NPIPA7: variants seen among roughly 807,000 people sequenced by gnomAD.
NPIPA7 encodes nuclear pore complex-interacting protein family member A7.
At chr16:16,387,004 C>G in intron 2 of NPIPA7, among the ~76,000 whole-genome samples, 1 of 145,572 alleles carries the variant, frequency 6.9e-6, no homozygotes, top group Non-Finnish European at 1.5e-5. Flanking sequence ...CTGCCTCGGC[C>G]TCCCAAAGTA....
chr16:16,388,353 CT>C (rs1369617160), intron 4 of NPIPA7, among the ~76,000 whole-genome samples: 19 of 21,662 alleles, frequency 8.8e-4, no homozygotes, highest in African/African-American at 3.1e-3. Flanking sequence ...AGCACCCAGC[CT>C]TTTTTTTTTT....
chr16:16,388,087 C>T (rs1169803520), intron 4 of NPIPA7, among the ~76,000 whole-genome samples: 6 of 39,490 alleles, frequency 1.5e-4, no homozygotes, highest in Non-Finnish European at 2.4e-4. Context: ...TGGGGCTTTG[C>T]TCTTGTTGCC....
chr16:16,386,130 T>C lies in NPIPA7; in HGVS notation c.193-1269T>C, dbSNP rs2050119859. ...GAAGATTAAAAGCATACTGTGATAA[T>C]ATGGAAATCTTGGTGGGAATTCAGT... is the stretch of plus-strand genomic sequence containing the variant. On this transcript the variant is annotated intron_variant, in intron 2 of 7. Coordinates refer to ENST00000530217, the Ensembl canonical transcript of NPIPA7. Among the ~76,000 whole-genome samples the C allele has an allele frequency of 3.2e-5, 3 of 93,860 alleles. No individual in the cohort carries two copies. In the Admixed American group the frequency reaches 3.3e-4, roughly 10 times the overall value. The allele number at this position is 93,860 out of a possible 152,430, so 61.6% of individuals were successfully genotyped here.
At chr16:16,387,060 T>TTGTGTGTGTGTG (rs374685325) in intron 2 of NPIPA7, among the ~76,000 whole-genome samples, 1 of 101,450 alleles carries the variant, frequency 9.9e-6, no homozygotes, top group African/African-American at 3.5e-5. Flanking sequence ...ATGTCATTCT[T>TTGTGTGTGTGTG]TGTGTGTGTG....
chr16:16,388,047 C>T (rs1487480554), intron 4 of NPIPA7, among the ~76,000 whole-genome samples: 1 of 16,136 alleles, frequency 6.2e-5, no homozygotes, highest in Non-Finnish European at 1.3e-4. Context: ...TTTCCTTTCT[C>T]TCTCTTTTTT....
rs1373239289 is a variant in NPIPA7, at chr16:16,387,047, C to G, written c.193-352C>G. Among the ~76,000 whole-genome samples, 49 of 134,404 alleles carry G rather than the reference C, an allele frequency of 3.6e-4. 1 individual carries two copies. Among genetic ancestry groups the G allele is most frequent in the African/African-American group, 1.3e-3 (49 of 38,174 alleles). 88.2% of individuals were successfully genotyped at this position (134,404 alleles called of 152,430 possible). ...TACAGGAGTGAGCCACCCTGCCAGC[C>G]TCATGTCATTCTTTGTGTGTGTGTG... On this transcript the variant is annotated intron_variant, in intron 2 of 7. Coordinates refer to ENST00000530217, the Ensembl canonical transcript of NPIPA7.
intron 2 of NPIPA7, among the ~76,000 whole-genome samples, chr16:16,387,060 TTGTGTGTGTGTGTG>T (rs374685325): frequency 1.3e-4 from 13 of 101,534 alleles, no homozygotes; most frequent in East Asian, 4.1e-4. Context: ...ATGTCATTCT[TTGTGTGTGTGTGTG>T]TGTGTGTGTG....
intron 2 of NPIPA7, among the ~76,000 whole-genome samples, chr16:16,386,931 C>T (rs996636103): frequency 7.0e-6 from 1 of 142,018 alleles, no homozygotes. Flanking sequence ...GAATTTTTAG[C>T]AGAGACAGCG....
rs1252652575 is a variant in NPIPA7, at chr16:16,388,051, CTT to C, written c.437+262_437+263del. Among the ~76,000 whole-genome samples the C allele has an allele frequency of 1.8e-3, 81 of 44,668 alleles. 4 individuals are homozygous for C. The highest frequency in any genetic ancestry group is 0.011 in the African/African-American group (74 of 6,444). 29.3% of individuals were successfully genotyped at this position (44,668 alleles called of 152,430 possible). ...ACTGCATTGGTTTTCCTTTCTCTCT[CTT>C]TTTTTTTTTTTTTTTTCCTGAGATG... On this transcript the variant is annotated intron_variant, in intron 4 of 7. Transcript: ENST00000530217.
intron 2 of NPIPA7, among the ~76,000 whole-genome samples, chr16:16,386,837 C>T (rs1462931543): frequency 1.6e-5 from 2 of 124,276 alleles, no homozygotes; most frequent in African/African-American, 5.7e-5. Flanking sequence ...ACAACCTTTT[C>T]CTGCTGGATT....
At chr16:16,386,630 A>G (rs1172787482) in intron 2 of NPIPA7, among the ~76,000 whole-genome samples, 1 of 107,644 alleles carries the variant, frequency 9.3e-6, no homozygotes, top group Non-Finnish European at 2.0e-5. Context: ...TTGTATTTTT[A>G]GTAGAGACGG....
chr16:16,386,806 A>G lies in NPIPA7; in HGVS notation c.193-593A>G, dbSNP rs1381831929. 2.6e-3 allele frequency among the ~76,000 whole-genome samples: 329 copies of G among 126,492 alleles called. 1 individual carries two copies. Among genetic ancestry groups the G allele is most frequent in the African/African-American group, 8.6e-3 (301 of 34,874 alleles). The allele number at this position is 126,492 out of a possible 152,430, so 83.0% of individuals were successfully genotyped here. On this transcript the variant is annotated intron_variant, in intron 2 of 7. Transcript: ENST00000530217. ...ATTTTGTTGCCCAGGTTGGAGTGCA[A>G]TGGCACAATCTCAGCTCACCACAAC...
intron 2 of NPIPA7, among the ~76,000 whole-genome samples, chr16:16,386,050 A>G (rs1165146126): frequency 1.7e-5 from 1 of 59,656 alleles, no homozygotes; most frequent in Non-Finnish European, 3.4e-5. Flanking sequence ...CCCACATCTG[A>G]GATGGGATTT....
At chr16:16,388,516 C>T (rs1378750109) in intron 4 of NPIPA7, among the ~76,000 whole-genome samples, 2 of 47,850 alleles carry the variant, frequency 4.2e-5, no homozygotes, top group African/African-American at 1.7e-4. Flanking sequence ...CCGCCACATT[C>T]GGCCAATTTT....
intron 2 of NPIPA7, among the ~76,000 whole-genome samples, chr16:16,386,560 C>T (rs1340848824): frequency 9.9e-6 from 1 of 100,788 alleles, no homozygotes; most frequent in African/African-American, 3.7e-5. Flanking sequence ...AGCAGTTCTC[C>T]TGCCTCAGCC....
intron 2 of NPIPA7, among the ~76,000 whole-genome samples, chr16:16,386,118 A>G (rs1226671637): frequency 2.2e-5 from 2 of 92,992 alleles, no homozygotes; most frequent in African/African-American, 8.9e-5. Flanking sequence ...GATTAAAAGC[A>G]TACTGTGATA....
At chr16:16,386,707 C>T (rs2141299955) in intron 2 of NPIPA7, among the ~76,000 whole-genome samples, 1 of 131,616 alleles carries the variant, frequency 7.6e-6, no homozygotes, top group South Asian at 2.6e-4. Flanking sequence ...CTCGGCCTCC[C>T]AAAGTGCTGG....
intron 4 of NPIPA7, among the ~76,000 whole-genome samples, chr16:16,388,522 A>AT (rs58017407): frequency 0.012 from 345 of 28,824 alleles, 2 homozygotes; most frequent in African/African-American, 0.033. Context: ...CATTCGGCCA[A>AT]TTTTTTTTTT....
intron 2 of NPIPA7, among the ~76,000 whole-genome samples, chr16:16,386,693 C>T (rs1166805211): frequency 2.3e-5 from 3 of 129,806 alleles, no homozygotes; most frequent in Non-Finnish European, 3.4e-5. Flanking sequence ...TGTGATTCAC[C>T]CGCCTCGGCC....
Sources: gnomAD v4.1 joint callset for allele counts (sites outside exome capture counted in the v4.1 genomes callset) on GRCh38, gnomAD v4.1.1 for gene constraint, MANE v1.5 for transcripts, NCBI Gene and HGNC (gene_info 2026-07-23, HGNC 2026-07-21) for gene names.